Variants in AKT3 observed in about 807,000 individuals in gnomAD.
AKT3 encodes RAC-gamma serine/threonine-protein kinase.
A neutral mutation model predicts 65.3 loss-of-function variants in AKT3; 15 were observed. That is an observed-to-expected ratio of 0.23 (90% confidence interval 0.15 to 0.35). AKT3 has a LOEUF of 0.35. Among genes scored for constraint, AKT3 ranks in the 10% least tolerant of loss-of-function variants. The probability of loss-of-function intolerance (pLI) is 1.00; values close to 1 mark genes in which losing one functional copy is unlikely to be tolerated. For synonymous variants in AKT3, 206 were observed against 183.8 expected, an observed-to-expected ratio of 1.12 and a Z score of -0.98; for missense variants, 243 against 576.5, an observed-to-expected ratio of 0.42 and a Z score of 5.92.
At chr1:243,643,737 T>A (rs1287360533) in intron 5 of AKT3, among the ~76,000 whole-genome samples, 1 of 152,228 alleles carries the variant, frequency 6.6e-6, no homozygotes, top group Non-Finnish European at 1.5e-5. Flanking sequence ...ATAGCCATCA[T>A]AATCAGTACC....
intron 2 of AKT3, among the ~76,000 whole-genome samples, chr1:243,817,273 G>C (rs1023609785): frequency 1.3e-5 from 2 of 152,170 alleles, no homozygotes; most frequent in Non-Finnish European, 2.9e-5. Flanking sequence ...ATGAAAAAAA[G>C]ATAAATTGTT....
intron 10 of AKT3, among the ~76,000 whole-genome samples, chr1:243,556,766 G>C (rs1237159231): frequency 1.3e-5 from 2 of 151,914 alleles, no homozygotes; most frequent in African/African-American, 2.4e-5. Context: ...TCATTTATGG[G>C]AGCCCTTCAG....
At chr1:243,807,461 T>G (rs978203316) in intron 2 of AKT3, among the ~76,000 whole-genome samples, 1 of 150,060 alleles carries the variant, frequency 6.7e-6, no homozygotes, top group African/African-American at 2.5e-5. Context: ...GAGATCAAAC[T>G]GCAACGCGGC....
intron 2 of AKT3, among the ~76,000 whole-genome samples, chr1:243,698,707 A>C (rs935275275): frequency 6.6e-6 from 1 of 152,112 alleles, no homozygotes; most frequent in Non-Finnish European, 1.5e-5. Flanking sequence ...TTAAAAAAGT[A>C]TTATTTCTCA....
chr1:243,810,457 T>TCCC (rs199783368), intron 2 of AKT3, among the ~76,000 whole-genome samples: 1 of 151,580 alleles, frequency 6.6e-6, no homozygotes, highest in African/African-American at 2.4e-5. Flanking sequence ...ACACATACAC[T>TCCC]CCCCCAAGAC....
intron 2 of AKT3, among the ~76,000 whole-genome samples, chr1:243,751,291 T>C (rs1688797279): frequency 6.6e-6 from 1 of 152,268 alleles, no homozygotes; most frequent in African/African-American, 2.4e-5. Context: ...AATCCATTTG[T>C]AGACCAGCTG....
At chr1:243,720,030 T>C (rs1195918667) in intron 2 of AKT3, among the ~76,000 whole-genome samples, 1 of 152,108 alleles carries the variant, frequency 6.6e-6, no homozygotes, top group African/African-American at 2.4e-5. Flanking sequence ...CTAAAAATGG[T>C]GGCCGGGCGC....
intron 2 of AKT3, among the ~76,000 whole-genome samples, chr1:243,820,430 G>A (rs1294850316): frequency 1.3e-5 from 2 of 152,140 alleles, no homozygotes; most frequent in African/African-American, 4.8e-5. Context: ...CTCCAGCAAG[G>A]GCACTCAACT....
At chr1:243,849,386 A>ACCCCCCCC (rs57424400) in intron 1 of AKT3, among the ~76,000 whole-genome samples, 1,311 of 107,088 alleles carry the variant, frequency 0.012, 2 homozygotes, top group African/African-American at 0.018. Flanking sequence ...CCACACACAC[A>ACCCCCCCC]CCCCCCCCCC....
intron 6 of AKT3, among the ~76,000 whole-genome samples, chr1:243,636,682 C>T (rs548615828): frequency 6.6e-6 from 1 of 152,096 alleles, no homozygotes; most frequent in African/African-American, 2.4e-5. Flanking sequence ...CAAATATGTG[C>T]CCCCCATAAA....
chr1:243,582,119 A>G (rs925091790), intron 8 of AKT3, among the ~76,000 whole-genome samples: 1 of 152,088 alleles, frequency 6.6e-6, no homozygotes, highest in African/African-American at 2.4e-5. Flanking sequence ...CCTACAAATT[A>G]CTGGTATTCC....
chr1:243,632,526 T>C (rs1679683575), intron 6 of AKT3, among the ~76,000 whole-genome samples: 1 of 152,184 alleles, frequency 6.6e-6, no homozygotes, highest in Non-Finnish European at 1.5e-5. Flanking sequence ...ACCATAATTC[T>C]TAAGGGCCCT....
At position 243,556,892 on chromosome 1, in the gene AKT3, T is replaced by A. The variant is rs148279278; in HGVS notation, c.949-3949A>T. On this transcript the variant is annotated intron_variant, in intron 10 of 13. Coordinates refer to ENST00000673466, the MANE Select transcript of AKT3 (RefSeq NM_005465.7). ...GTATCCATTTCAATACATAAGATTA[T>A]AAATTCTACAGTTGCTTGGTATTTT... is the stretch of plus-strand genomic sequence containing the variant. Among the ~76,000 whole-genome samples, 10 of 152,284 alleles carry A rather than the reference T, an allele frequency of 6.6e-5. No individual in the cohort carries two copies. The East Asian group carries it at 1.9e-3, about 29-fold the overall frequency.
At chr1:243,796,903 A>G (rs1692052830) in intron 2 of AKT3, among the ~76,000 whole-genome samples, 1 of 152,168 alleles carries the variant, frequency 6.6e-6, no homozygotes. Context: ...CGATCCACTT[A>G]CATGAGGCAC....
chr1:243,613,200 C>CAT (rs1351085781), intron 8 of AKT3, among the ~76,000 whole-genome samples: 18 of 68,414 alleles, frequency 2.6e-4, no homozygotes, highest in African/African-American at 6.9e-4. Context: ...CACACACACA[C>CAT]ATATATATAT....
At chr1:243,604,531 T>C (rs887766565) in intron 8 of AKT3, among the ~76,000 whole-genome samples, 1 of 152,338 alleles carries the variant, frequency 6.6e-6, no homozygotes, top group East Asian at 1.9e-4. Flanking sequence ...ATTTTACCTG[T>C]GTAGGAATGC....
intron 2 of AKT3, among the ~76,000 whole-genome samples, chr1:243,808,468 G>A (rs1692899460): frequency 6.6e-6 from 1 of 152,164 alleles, no homozygotes; most frequent in African/African-American, 2.4e-5. Flanking sequence ...AGCGAGAAGA[G>A]AAGTTTAGAG....
chr1:243,554,148 T>C (rs1036057437), intron 10 of AKT3, among the ~76,000 whole-genome samples: 1 of 152,164 alleles, frequency 6.6e-6, no homozygotes, highest in African/African-American at 2.4e-5. Flanking sequence ...AGTTACATTA[T>C]GATTACCTAA....
intron 6 of AKT3, among the ~76,000 whole-genome samples, chr1:243,617,406 C>T (rs972492081): frequency 6.6e-6 from 1 of 151,668 alleles, no homozygotes; most frequent in Non-Finnish European, 1.5e-5. Context: ...TGAACCAAGT[C>T]CATTCACTTA....
Sources: allele counts gnomAD v4.1 joint callset (sites outside exome capture counted in the v4.1 genomes callset), GRCh38; gene constraint gnomAD v4.1.1; transcripts MANE v1.5; gene names NCBI Gene and HGNC (gene_info 2026-07-23, HGNC 2026-07-21).